LRRC7: variants seen among roughly 807,000 people sequenced by gnomAD.
LRRC7 encodes leucine rich repeat containing 7, also known as leucine-rich repeat-containing protein 7.
In LRRC7, 23 loss-of-function variants were observed where a neutral mutation model predicts 175.7. The observed-to-expected ratio is 0.13, with a 90% confidence interval of 0.09 to 0.19. The LOEUF (loss-of-function observed/expected upper bound fraction) is 0.19. Among genes scored for constraint, LRRC7 ranks in the 10% least tolerant of loss-of-function variants. LRRC7 has a pLI of 1.00. For missense variants in LRRC7, 1,354 were observed against 1,904.7 expected (o/e 0.71, Z 5.38); for synonymous variants, 685 against 680.9 (o/e 1.01, Z -0.09).
intron 2 of LRRC7, among the ~76,000 whole-genome samples, chr1:69,685,991 A>G (rs533747469): frequency 6.6e-6 from 1 of 152,270 alleles, no homozygotes; most frequent in East Asian, 1.9e-4. Context: ...GAGTGCAATA[A>G]CACATTACAT....
At chr1:69,568,843 A>G (rs1191135608) in intron 1 of LRRC7, among the ~76,000 whole-genome samples, 1 of 152,172 alleles carries the variant, frequency 6.6e-6, no homozygotes, top group Non-Finnish European at 1.5e-5. Context: ...GCATTTGGAA[A>G]TGGGGTGCTA....
chr1:69,941,517 A>G (rs1648707374), intron 8 of LRRC7, among the ~76,000 whole-genome samples: 1 of 151,876 alleles, frequency 6.6e-6, no homozygotes, highest in Non-Finnish European at 1.5e-5. Context: ...TAAGAAACCA[A>G]TTTCTGGGTA....
chr1:69,907,330 T>A (rs1646351993), intron 7 of LRRC7, among the ~76,000 whole-genome samples: 1 of 152,188 alleles, frequency 6.6e-6, no homozygotes, highest in Admixed American at 6.5e-5. Flanking sequence ...GGCATACCTG[T>A]CTTGTGCCAG....
chr1:69,878,516 T>C (rs1686254281), intron 7 of LRRC7, among the ~76,000 whole-genome samples: 1 of 152,100 alleles, frequency 6.6e-6, no homozygotes, highest in Admixed American at 6.5e-5. Flanking sequence ...CATGATGAGG[T>C]CATTCAAGTC....
At chr1:69,642,137 T>C (rs1654305049) in intron 1 of LRRC7, among the ~76,000 whole-genome samples, 1 of 152,000 alleles carries the variant, frequency 6.6e-6, no homozygotes, top group South Asian at 2.1e-4. Context: ...CCTATTGCTA[T>C]TATGATAATT....
chr1:69,750,058 T>C (rs1669680186), intron 2 of LRRC7, among the ~76,000 whole-genome samples: 1 of 48,078 alleles, frequency 2.1e-5, no homozygotes, highest in Non-Finnish European at 4.3e-5. Context: ...AGACTATGTC[T>C]CAAAAATAAA....
chr1:69,707,923 G>C (rs992204600), intron 2 of LRRC7, among the ~76,000 whole-genome samples: 1 of 152,090 alleles, frequency 6.6e-6, no homozygotes, highest in African/African-American at 2.4e-5. Flanking sequence ...ATACTCTGCT[G>C]GACCACATGG....
chr1:70,014,424 A>T (rs1314239526), intron 13 of LRRC7, among the ~76,000 whole-genome samples: 2 of 152,032 alleles, frequency 1.3e-5, no homozygotes, highest in Non-Finnish European at 2.9e-5. Flanking sequence ...GGTGAAATTT[A>T]TGAATAATAC....
At chr1:69,737,451 T>G (rs1451937236) in intron 2 of LRRC7, among the ~76,000 whole-genome samples, 1 of 152,112 alleles carries the variant, frequency 6.6e-6, no homozygotes, top group Non-Finnish European at 1.5e-5. Context: ...CCATTAAATC[T>G]CTTTTTCTTT....
Position 69,902,961 on chromosome 1 carries a change from A to G in LRRC7, c.648-28546A>G, listed in dbSNP as rs561407626. 3.9e-5 allele frequency among the ~76,000 whole-genome samples: 6 copies of G among 152,208 alleles called. No homozygotes were observed. In the South Asian group the frequency reaches 1.2e-3, roughly 32 times the overall value. On this transcript the variant is annotated intron_variant, in intron 7 of 26. Coordinates refer to ENST00000651989, the MANE Select transcript of LRRC7 (RefSeq NM_001370785.2). The stretch of plus-strand genomic sequence containing the variant: ...CACAATGGTCTCGTTTAGATTTCTT[A>G]CCCATTGTTATTTTTATTGTACAGT...
At chr1:70,072,530 A>G (rs766278203) in intron 23 of LRRC7, among the ~76,000 whole-genome samples, 1 of 152,210 alleles carries the variant, frequency 6.6e-6, no homozygotes, top group Admixed American at 6.5e-5. Context: ...TACAGCTGTC[A>G]TTCCCCAACA....
chr1:69,684,930 A>G (rs1225608610), intron 2 of LRRC7, among the ~76,000 whole-genome samples: 1 of 152,198 alleles, frequency 6.6e-6, no homozygotes, highest in Non-Finnish European at 1.5e-5. Flanking sequence ...CCTGGTGGGC[A>G]GACCTATCTG....
chr1:69,797,230 A>G (rs1675896668), intron 4 of LRRC7, among the ~76,000 whole-genome samples: 1 of 152,216 alleles, frequency 6.6e-6, no homozygotes, highest in South Asian at 2.1e-4. Context: ...CACTCCGATA[A>G]GTAATGAGTA....
chr1:70,021,189 T>C (rs887433896), intron 16 of LRRC7, 60 bp downstream of exon 16: 1 of 1,542,852 alleles, frequency 6.5e-7, no homozygotes, highest in Non-Finnish European at 8.8e-7. Flanking sequence ...TGTCCGTTTT[T>C]CTTATTCAGA....
At chr1:69,669,844 C>T (rs1658811038) in intron 1 of LRRC7, among the ~76,000 whole-genome samples, 2 of 152,082 alleles carry the variant, frequency 1.3e-5, no homozygotes. Context: ...ATCAACTCTG[C>T]TATGAAAAGA....
At chr1:69,841,168 C>T (rs1681685605) in intron 7 of LRRC7, among the ~76,000 whole-genome samples, 1 of 151,918 alleles carries the variant, frequency 6.6e-6, no homozygotes. Context: ...ATGGGTTTCT[C>T]ACTGGTGATA....
intron 7 of LRRC7, among the ~76,000 whole-genome samples, chr1:69,899,821 T>G (rs1646084644): frequency 6.6e-6 from 1 of 152,152 alleles, no homozygotes; most frequent in Non-Finnish European, 1.5e-5. Context: ...GGACTTAGCC[T>G]TCCTCCCTTC....
chr1:69,604,293 T>C (rs918982777), intron 1 of LRRC7, among the ~76,000 whole-genome samples: 3 of 152,174 alleles, frequency 2.0e-5, no homozygotes, highest in African/African-American at 7.2e-5. Flanking sequence ...AAGTTAATGC[T>C]ACAAAGTTAA....
chr1:69,781,479 C>T (rs1007629226), intron 3 of LRRC7, among the ~76,000 whole-genome samples: 17 of 151,210 alleles, frequency 1.1e-4, no homozygotes, highest in African/African-American at 2.7e-4. Flanking sequence ...GTCAGGAGGT[C>T]GAGACTAGGC....
Sources: gnomAD v4.1 joint callset for allele counts (sites outside exome capture counted in the v4.1 genomes callset) on GRCh38, gnomAD v4.1.1 for gene constraint, MANE v1.5 for transcripts, NCBI Gene and HGNC (gene_info 2026-07-23, HGNC 2026-07-21) for gene names.